The following PLA2G4A variants were observed in gnomAD, a reference collection of about 807,000 sequenced individuals.
The protein encoded by PLA2G4A is phospholipase A2 group IVA, also known as cytosolic phospholipase A2.
A neutral mutation model predicts 81.9 loss-of-function variants in PLA2G4A; 40 were observed. The observed-to-expected ratio is 0.49, with a 90% CI of 0.38 to 0.64. The LOEUF (loss-of-function observed/expected upper bound fraction) is 0.64, where lower values mean the gene tolerates loss of function less well. PLA2G4A is among the 30% of genes least tolerant of loss of function. The pLI is 0.00. For synonymous variants in PLA2G4A, 302 were observed against 296.9 expected (o/e 1.02, Z -0.18); for missense variants, 715 against 905.1 (o/e 0.79, Z 2.69).
At chr1:186,944,349 G>A (rs1005063181) in intron 10 of PLA2G4A, among the ~76,000 whole-genome samples, 3 of 152,102 alleles carry the variant, frequency 2.0e-5, no homozygotes, top group African/African-American at 7.2e-5. Flanking sequence ...TTTTGAGAAT[G>A]CCTAAGTTAC....
chr1:186,877,165 G>C (rs1278554971), intron 3 of PLA2G4A, among the ~76,000 whole-genome samples: 2 of 152,030 alleles, frequency 1.3e-5, no homozygotes, highest in African/African-American at 4.8e-5. Flanking sequence ...ACAGTGATCA[G>C]AAGCTCCAGG....
intron 5 of PLA2G4A, among the ~76,000 whole-genome samples, chr1:186,899,483 G>C (rs758543859): frequency 1.7e-4 from 26 of 152,142 alleles, no homozygotes; most frequent in Non-Finnish European, 2.8e-4. Flanking sequence ...CTGGTGAAGA[G>C]AACAGCCTAT....
intron 2 of PLA2G4A, among the ~76,000 whole-genome samples, chr1:186,862,763 C>T (rs1309256960): frequency 6.6e-6 from 1 of 152,086 alleles, no homozygotes; most frequent in African/African-American, 2.4e-5. Flanking sequence ...TTCCCCAAAG[C>T]GCCAAGGATG....
chr1:186,886,717 CT>C (rs1653949735), intron 3 of PLA2G4A, among the ~76,000 whole-genome samples: 1 of 152,088 alleles, frequency 6.6e-6, no homozygotes, highest in African/African-American at 2.4e-5. Context: ...CATTTATTTT[CT>C]CGTGGCCATT....
At chr1:186,861,360 AGCAAATGCCCCTATGG>A (rs1174329397) in intron 2 of PLA2G4A, among the ~76,000 whole-genome samples, 1 of 152,222 alleles carries the variant, frequency 6.6e-6, no homozygotes, top group Non-Finnish European at 1.5e-5. Flanking sequence ...CTTCCGGATC[AGCAAATGCCCCTATGG>A]CAAAACTGAG....
At chr1:186,918,648 A>T (rs926587300) in intron 7 of PLA2G4A, among the ~76,000 whole-genome samples, 1 of 152,186 alleles carries the variant, frequency 6.6e-6, no homozygotes, top group African/African-American at 2.4e-5. Flanking sequence ...GCTGGTCCCG[A>T]AGGTCAGGTC....
At chr1:186,842,136 G>A (rs535684263) in intron 1 of PLA2G4A, among the ~76,000 whole-genome samples, 11 of 150,866 alleles carry the variant, frequency 7.3e-5, no homozygotes, top group East Asian at 2.0e-4. Flanking sequence ...TCCGCCTCCC[G>A]GTTTCAAGCA....
intron 6 of PLA2G4A, among the ~76,000 whole-genome samples, chr1:186,909,472 C>T (rs1031808587): frequency 6.6e-6 from 1 of 150,932 alleles, no homozygotes; most frequent in African/African-American, 2.4e-5. Context: ...ACCAGGTTGA[C>T]CAACATGGAG....
At chr1:186,834,304 A>G (rs758687769) in intron 1 of PLA2G4A, among the ~76,000 whole-genome samples, 1 of 152,098 alleles carries the variant, frequency 6.6e-6, no homozygotes, top group African/African-American at 2.4e-5. Flanking sequence ...TTTCCACAAA[A>G]CTGTGTAAGT....
At position 186,965,533 on chromosome 1, in the gene PLA2G4A, T is replaced by G; in HGVS notation, c.1704T>G (p.Val568=). ...TGATACTGAGACCTCAGAGAGGGGTTGATCTCATAATCTCCTTTGACTTTT... is the reference window on the plus strand; with the variant it reads ...TGATACTGAGACCTCAGAGAGGGGTGGATCTCATAATCTCCTTTGACTTTT... ...YPLILRPQRG[V]DLIISFDFSA... Residue 568 remains valine, a synonymous_variant, in exon 15 of 18, where the codon GTT becomes GTG. Transcript: ENST00000367466. The G allele has an allele frequency of 6.2e-7, 1 of 1,613,470 alleles. No individual in the cohort carries two copies. Among genetic ancestry groups the G allele is most frequent in the Non-Finnish European group, 8.5e-7 (1 of 1,179,346 alleles).
At chr1:186,983,408 G>A (rs571668329) in intron 17 of PLA2G4A, among the ~76,000 whole-genome samples, 5 of 152,292 alleles carry the variant, frequency 3.3e-5, no homozygotes, top group East Asian at 1.9e-4. Context: ...TTAGGGCAAC[G>A]TTTCCTCTTC....
At chr1:186,856,149 T>C (rs989390489) in intron 2 of PLA2G4A, among the ~76,000 whole-genome samples, 2 of 152,000 alleles carry the variant, frequency 1.3e-5, no homozygotes, top group African/African-American at 4.8e-5. Context: ...GTAATGATTC[T>C]ACAGAGGAGA....
At chr1:186,905,615 G>C (rs763361589) in intron 5 of PLA2G4A, among the ~76,000 whole-genome samples, 7 of 151,628 alleles carry the variant, frequency 4.6e-5, no homozygotes, top group Non-Finnish European at 1.0e-4. Flanking sequence ...CTGTTTTCTG[G>C]GTCAGACCAT....
At chr1:186,905,858 T>C (rs565991112) in intron 5 of PLA2G4A, among the ~76,000 whole-genome samples, 155 of 152,358 alleles carry the variant, frequency 1.0e-3, no homozygotes, top group African/African-American at 3.4e-3. Flanking sequence ...ATGTTTTCAA[T>C]ACCTTTTGCT....
chr1:186,980,175 G>A (rs1238264097), intron 17 of PLA2G4A, among the ~76,000 whole-genome samples: 1 of 151,970 alleles, frequency 6.6e-6, no homozygotes, highest in African/African-American at 2.4e-5. Flanking sequence ...TCCTGACCTC[G>A]TTACCCGCCC....
chr1:186,934,635 T>G (rs887411870), intron 8 of PLA2G4A, among the ~76,000 whole-genome samples: 31 of 151,796 alleles, frequency 2.0e-4, no homozygotes, highest in Non-Finnish European at 4.6e-4. Context: ...TTTATTTCAT[T>G]TCCTTAAAAG....
At chr1:186,970,701 C>T (rs574152524) in intron 15 of PLA2G4A, among the ~76,000 whole-genome samples, 178 of 151,946 alleles carry the variant, frequency 1.2e-3, no homozygotes, top group African/African-American at 4.0e-3. Flanking sequence ...AACTTTGTTG[C>T]AAATGAGTTG....
chr1:186,848,521 T>C (rs1026558202), intron 1 of PLA2G4A, among the ~76,000 whole-genome samples: 9 of 152,172 alleles, frequency 5.9e-5, no homozygotes, highest in African/African-American at 2.2e-4. Context: ...GTTAATTCTT[T>C]TTCTCTTTTC....
chr1:186,840,736 T>C (rs1362226135), intron 1 of PLA2G4A, among the ~76,000 whole-genome samples: 1 of 152,218 alleles, frequency 6.6e-6, no homozygotes, highest in Non-Finnish European at 1.5e-5. Context: ...TTAAGCCAGT[T>C]TGATGGTTTT....
Sources: allele counts gnomAD v4.1 joint callset (sites outside exome capture counted in the v4.1 genomes callset), GRCh38; gene constraint gnomAD v4.1.1; transcripts MANE v1.5; gene names NCBI Gene and HGNC (gene_info 2026-07-23, HGNC 2026-07-21).